Variants in NAV1 observed in about 807,000 individuals in gnomAD.
NAV1 encodes the protein pore membrane and/or filament interacting like protein 3.
A neutral mutation model predicts 175.2 loss-of-function variants in NAV1; 18 were observed. That is an observed-to-expected ratio of 0.10 (90% CI 0.07 to 0.15). The LOEUF (loss-of-function observed/expected upper bound fraction) is 0.15. Among genes scored for constraint, NAV1 ranks in the 10% least tolerant of loss-of-function variants. The pLI is 1.00. For synonymous variants in NAV1, 897 were observed against 978.7 expected (o/e 0.92, Z 1.56); for missense variants, 1,731 against 2,436.6 (o/e 0.71, Z 6.10).
At position 201,694,705 on chromosome 1, in the gene NAV1, T is replaced by C. The variant is rs1296689304; in HGVS notation, c.758-18112T>C. 2.0e-5 allele frequency among the ~76,000 whole-genome samples: 3 copies of C among 152,186 alleles called. No individual in the cohort carries two copies. Among genetic ancestry groups the C allele is most frequent in the Non-Finnish European group, 4.4e-5 (3 of 68,010 alleles). On this transcript the variant is annotated intron_variant, in intron 1 of 29. Coordinates refer to ENST00000367296, the Ensembl canonical transcript of NAV1. The surrounding 1 kb of genome is among the most constrained non-coding windows in gnomAD (Gnocchi z 4.2). ...TTCTCTGGGCTCTGTGTTCTGTCGG[T>C]TGCTTATTCATTGAAAGTCAGGGAT...
chr1:201,789,807 T>C lies in NAV1; in HGVS notation c.3219+15T>C. On this transcript the variant is annotated intron_variant, in intron 11 of 29. Coordinates refer to ENST00000367296, the Ensembl canonical transcript of NAV1. ...CCTACTCCTCAGTAAGAGCATTAAC[T>C]TCTCTTCCCCTCTCATCCCCTCCCC... 3 of 1,612,282 alleles carry C rather than the reference T, an allele frequency of 1.9e-6. No homozygotes were observed. Among genetic ancestry groups the C allele is most frequent in the Non-Finnish European group, 2.5e-6 (3 of 1,178,300 alleles).
intron 1 of NAV1, among the ~76,000 whole-genome samples, chr1:201,626,635 C>A (rs766726274): frequency 6.6e-6 from 1 of 152,244 alleles, no homozygotes; most frequent in Non-Finnish European, 1.5e-5. Flanking sequence ...AGAGCCACAG[C>A]AGCTTCACCA....
At chr1:201,752,784 A>G (rs1448677060) in intron 3 of NAV1, among the ~76,000 whole-genome samples, 3 of 152,182 alleles carry the variant, frequency 2.0e-5, no homozygotes, top group African/African-American at 7.2e-5. Flanking sequence ...TGTGTTCAGA[A>G]TATTTGTCTG....
At chr1:201,667,993 C>A (rs1171191383) in intron 1 of NAV1, among the ~76,000 whole-genome samples, 1 of 152,216 alleles carries the variant, frequency 6.6e-6, no homozygotes, top group Non-Finnish European at 1.5e-5. Context: ...TGGCCATAGG[C>A]CCCAGGAAAT....
At chr1:201,700,414 G>T (rs566179994) in intron 1 of NAV1, among the ~76,000 whole-genome samples, 1 of 152,242 alleles carries the variant, frequency 6.6e-6, no homozygotes, top group South Asian at 2.1e-4. Context: ...TTAGAATGGC[G>T]ATCATTAAAA....
chr1:201,785,294 TTTTTTA>T lies in NAV1; in HGVS notation c.2805-14_2805-9del. 2 of 1,600,564 alleles carry T rather than the reference TTTTTTA, an allele frequency of 1.2e-6. No individual in the cohort carries two copies. The highest frequency in any genetic ancestry group is 1.7e-5 in the Admixed American group (1 of 58,136). ...TCTCTCTCTCTCTCTTTTTTTTTTT[TTTTTTA>T]TCTCCACAGTAATCAGCGGGATCGG... On this transcript the variant is annotated splice_polypyrimidine_tract_variant and intron_variant, in intron 7 of 29. Coordinates refer to ENST00000367296, the Ensembl canonical transcript of NAV1.
intron 2 of NAV1, among the ~76,000 whole-genome samples, chr1:201,716,817 G>A (rs1348321452): frequency 1.3e-5 from 2 of 152,218 alleles, no homozygotes; most frequent in Non-Finnish European, 2.9e-5. Flanking sequence ...GGTCAAGGCT[G>A]CAGTGAGCCG....
At chr1:201,619,150 C>T (rs1668083924), upstream of NAV1, among the ~76,000 whole-genome samples, 1 of 152,244 alleles carries the variant, frequency 6.6e-6, no homozygotes, top group Admixed American at 6.5e-5. Context: ...TTAAATCCTC[C>T]TCCCATCGAG....
intron 3 of NAV1, among the ~76,000 whole-genome samples, chr1:201,756,939 C>A (rs978570292): frequency 2.0e-5 from 3 of 151,624 alleles, no homozygotes; most frequent in East Asian, 1.9e-4. Context: ...GAAAATGATT[C>A]ACTCTTAGCC....
intron 3 of NAV1, among the ~76,000 whole-genome samples, chr1:201,745,124 G>T (rs192011974): frequency 1.3e-5 from 2 of 152,206 alleles, no homozygotes; most frequent in African/African-American, 4.8e-5. Context: ...TTCTTGGGAT[G>T]CTTCAGGAAT....
intron 3 of NAV1, among the ~76,000 whole-genome samples, chr1:201,738,107 G>C (rs889598458): frequency 1.3e-5 from 2 of 151,920 alleles, no homozygotes; most frequent in Non-Finnish European, 2.9e-5. Flanking sequence ...AGAACCGTCT[G>C]CCTTGCTCTG....
intron 1 of NAV1, among the ~76,000 whole-genome samples, chr1:201,581,787 C>G (rs1666870419): frequency 6.6e-6 from 1 of 151,738 alleles, no homozygotes. Context: ...TGAGATTGCA[C>G]CACTACACTC....
chr1:201,754,585 C>T (rs1012084695), intron 3 of NAV1, among the ~76,000 whole-genome samples: 6 of 152,048 alleles, frequency 3.9e-5, no homozygotes, highest in Non-Finnish European at 5.9e-5. Flanking sequence ...GGTGGAGAGG[C>T]GATGAGTGTA....
At chr1:201,642,810 C>A (rs893282927) in intron 2 of NAV1, among the ~76,000 whole-genome samples, 4 of 150,214 alleles carry the variant, frequency 2.7e-5, no homozygotes, top group Non-Finnish European at 4.4e-5. Flanking sequence ...TGCTCTGTCG[C>A]CCAGGCTGGA....
chr1:201,576,223 T>C (rs1307106805), intron 1 of NAV1, among the ~76,000 whole-genome samples: 2 of 152,248 alleles, frequency 1.3e-5, no homozygotes, highest in African/African-American at 4.8e-5. Context: ...TTCTATACTT[T>C]TGCCATTTCA....
intron 1 of NAV1, among the ~76,000 whole-genome samples, chr1:201,546,566 C>T (rs965763216): frequency 3.9e-5 from 6 of 152,132 alleles, no homozygotes; most frequent in Non-Finnish European, 8.8e-5. Context: ...TGCTAGATTG[C>T]TCTGTATATA....
chr1:201,591,851 C>T (rs1030918282), intron 2 of NAV1, among the ~76,000 whole-genome samples: 1 of 152,156 alleles, frequency 6.6e-6, no homozygotes, highest in Non-Finnish European at 1.5e-5. Context: ...CTGAGGAGGA[C>T]AGCACCCGAA....
chr1:201,678,300 G>A (rs1463325842), intron 1 of NAV1, among the ~76,000 whole-genome samples: 2 of 152,230 alleles, frequency 1.3e-5, no homozygotes, highest in East Asian at 3.8e-4. Context: ...AAGCCTTTCT[G>A]AACTTTCCTG....
chr1:201,661,085 C>G (rs1669596722), intron 1 of NAV1, among the ~76,000 whole-genome samples: 1 of 152,164 alleles, frequency 6.6e-6, no homozygotes, highest in Non-Finnish European at 1.5e-5. Flanking sequence ...AGGAATGTGG[C>G]AAGTTCACGG....
Sources: allele counts gnomAD v4.1 joint callset (sites outside exome capture counted in the v4.1 genomes callset), GRCh38; gene constraint gnomAD v4.1.1; non-coding constraint Gnocchi (gnomAD v3.1); transcripts MANE v1.5; gene names NCBI Gene and HGNC (gene_info 2026-07-23, HGNC 2026-07-21).